CMKLR1: variants seen among roughly 807,000 people sequenced by gnomAD.
CMKLR1 encodes chemerin-like receptor 1.
Under a neutral mutation model 8.2 loss-of-function variants are expected in CMKLR1, and 6 were observed. The observed-to-expected ratio is 0.73, with a 90% CI of 0.40 to 1.44. CMKLR1 has a LOEUF of 1.44. Ranked by LOEUF, CMKLR1 falls within the 40% of genes most tolerant of loss-of-function variation. The probability of loss-of-function intolerance (pLI) is 0.02; values close to 1 mark genes in which losing one functional copy is unlikely to be tolerated. For missense variants in CMKLR1, 429 were observed against 478.0 expected (o/e 0.90, Z 0.96); for synonymous variants, 178 against 181.2 (o/e 0.98, Z 0.14).
At chr12:108,315,988 T>A (rs987300580) in intron 2 of CMKLR1, among the ~76,000 whole-genome samples, 4 of 152,296 alleles carry the variant, frequency 2.6e-5, no homozygotes, top group African/African-American at 9.6e-5. Flanking sequence ...GACCAGCACT[T>A]GGACCCTGCG....
intron 2 of CMKLR1, among the ~76,000 whole-genome samples, chr12:108,308,919 G>A (rs985454817): frequency 1.3e-5 from 2 of 152,300 alleles, no homozygotes; most frequent in East Asian, 3.9e-4. Context: ...CCTTGGAGTC[G>A]AGGGGTAGTC....
At chr12:108,321,553 C>A (rs991803729) in intron 2 of CMKLR1, among the ~76,000 whole-genome samples, 1 of 152,208 alleles carries the variant, frequency 6.6e-6, no homozygotes, top group African/African-American at 2.4e-5. Context: ...CTCACCACCC[C>A]CTAACTCTGA....
At chr12:108,324,588 T>C (rs1891939329) in intron 2 of CMKLR1, among the ~76,000 whole-genome samples, 1 of 152,184 alleles carries the variant, frequency 6.6e-6, no homozygotes, top group Non-Finnish European at 1.5e-5. Context: ...TCCACTTTCA[T>C]CTTTAAATGC....
At chr12:108,296,867 A>C (rs1216839049) in intron 2 of CMKLR1, among the ~76,000 whole-genome samples, 1 of 152,016 alleles carries the variant, frequency 6.6e-6, no homozygotes, top group Non-Finnish European at 1.5e-5. Context: ...TTGCTTCTCT[A>C]AGCTCCAATG....
chr12:108,318,487 T>A (rs1334102088), intron 2 of CMKLR1, among the ~76,000 whole-genome samples: 1 of 152,214 alleles, frequency 6.6e-6, no homozygotes, highest in Non-Finnish European at 1.5e-5. Flanking sequence ...GTTTCCACGT[T>A]TATCAAAGGG....
At chr12:108,307,795 G>C (rs908309109) in intron 2 of CMKLR1, among the ~76,000 whole-genome samples, 2 of 152,212 alleles carry the variant, frequency 1.3e-5, no homozygotes, top group African/African-American at 4.8e-5. Flanking sequence ...CACCTAACAA[G>C]GAGGTGGTCC....
intron 2 of CMKLR1, among the ~76,000 whole-genome samples, chr12:108,294,870 A>G (rs1422672597): frequency 6.6e-6 from 1 of 152,208 alleles, no homozygotes; most frequent in Non-Finnish European, 1.5e-5. Context: ...TAAATTCATT[A>G]CTGATCCTTC....
At chr12:108,301,520 T>A (rs1240094324) in intron 2 of CMKLR1, among the ~76,000 whole-genome samples, 2 of 152,194 alleles carry the variant, frequency 1.3e-5, no homozygotes, top group Non-Finnish European at 2.9e-5. Flanking sequence ...ATGTAACATG[T>A]GTTCATCCTC....
Position 108,293,520 on chromosome 12 carries a change from C to G in CMKLR1, c.3+69G>C, listed in dbSNP as rs1218205980. On this transcript the variant is annotated intron_variant, in intron 3 of 3. Transcript: ENST00000550402. ...ACCAAGTGGACAGCCTTGTTGTGAT[C>G]CCCCTGTGCACCCAATCTGTCAGTG... 26 of 1,519,162 alleles carry G rather than the reference C, an allele frequency of 1.7e-5. 1 individual carries two copies. Among genetic ancestry groups the G allele is most frequent in the Non-Finnish European group, 8.9e-7 (1 of 1,118,270 alleles). The allele number at this position is 1,519,162 out of a possible 1,614,324, so 94.1% of individuals were successfully genotyped here.
rs913869104 is a variant in CMKLR1 at position 108,292,920 on chromosome 12, C to T, written c.43G>A (p.Gly15Ser). 97 of 1,613,106 alleles carry T rather than the reference C, an allele frequency of 6.0e-5. No individual in the cohort carries two copies. In the East Asian group the frequency reaches 1.3e-3, roughly 21 times the overall value. ...DEDYNTSISYGDEYPDYLDSI... is the reference protein window; with the variant it reads ...DEDYNTSISYSDEYPDYLDSI... ...TCTAAATAATCAGGGTATTCATCAC[C>T]GTAACTGATGGAAGTGTTGTAATCT... Residue 15 changes from glycine (G) to serine (S), a missense_variant, in exon 4 of 4, where the codon GGT becomes AGT. By Grantham distance (56) the Gly-to-Ser change is moderately conservative. Transcript: ENST00000550402.
At chr12:108,311,556 G>T (rs1359090205) in intron 2 of CMKLR1, among the ~76,000 whole-genome samples, 1 of 152,212 alleles carries the variant, frequency 6.6e-6, no homozygotes, top group Non-Finnish European at 1.5e-5. Context: ...AGCCCAGGAA[G>T]TCGAGGCTGC....
Position 108,292,320 on chromosome 12 carries a change from TATACCCCACAGGGTCC to T in CMKLR1, c.627_642del (p.Met209IlefsTer7). 6.2e-7 allele frequency: 1 copy of T among 1,614,096 alleles called. No individual in the cohort carries two copies. The highest frequency in any genetic ancestry group is 8.5e-7 in the Non-Finnish European group (1 of 1,180,028). On this transcript the variant is annotated frameshift_variant, in exon 4 of 4. Coordinates refer to ENST00000550402, the MANE Select transcript of CMKLR1 (RefSeq NM_001142343.2). LOFTEE classifies it high-confidence loss of function. Reference sequence around the variant, plus strand: ...GTGACAGTCACCACCATGTGCCGGCTATACCCCACAGGGTCCATTTGGGAGTGAGTGGGCCACGAGG... The same window carrying T: ...GTGACAGTCACCACCATGTGCCGGCTATTTGGGAGTGAGTGGGCCACGAGG...
At chr12:108,306,057 G>A (rs961527133) in intron 2 of CMKLR1, among the ~76,000 whole-genome samples, 8 of 152,142 alleles carry the variant, frequency 5.3e-5, no homozygotes, top group South Asian at 2.1e-4. Flanking sequence ...CTTCCTCTCC[G>A]GGGATCTCTG....
At chr12:108,302,813 A>T (rs970805313) in intron 2 of CMKLR1, among the ~76,000 whole-genome samples, 2 of 151,910 alleles carry the variant, frequency 1.3e-5, no homozygotes, top group African/African-American at 2.4e-5. Context: ...GAATGGCTCC[A>T]TGGGAGAGAG....
intron 2 of CMKLR1, among the ~76,000 whole-genome samples, chr12:108,304,738 C>G (rs894614712): frequency 6.6e-6 from 1 of 152,240 alleles, no homozygotes; most frequent in African/African-American, 2.4e-5. Context: ...AGCCCTCCCC[C>G]TCTGACAGGC....
intron 2 of CMKLR1, among the ~76,000 whole-genome samples, chr12:108,327,015 G>C (rs189439094): frequency 4.6e-4 from 70 of 152,224 alleles, no homozygotes; most frequent in Non-Finnish European, 9.0e-4. Flanking sequence ...GAGAGAGAGA[G>C]AGAAACTGAT....
At chr12:108,336,593 G>A (rs1892231018) in intron 1 of CMKLR1, among the ~76,000 whole-genome samples, 1 of 152,082 alleles carries the variant, frequency 6.6e-6, no homozygotes, top group Admixed American at 6.5e-5. Flanking sequence ...TAATGCAGGT[G>A]GTCTAGAGAT....
chr12:108,300,243 G>T (rs1203000036), intron 2 of CMKLR1, among the ~76,000 whole-genome samples: 2 of 152,174 alleles, frequency 1.3e-5, no homozygotes, highest in African/African-American at 4.8e-5. Context: ...AGGAGCAGGT[G>T]CGCCAGGGAA....
At chr12:108,300,039 T>C (rs757008523) in intron 2 of CMKLR1, among the ~76,000 whole-genome samples, 1 of 152,222 alleles carries the variant, frequency 6.6e-6, no homozygotes, top group Non-Finnish European at 1.5e-5. Context: ...AGGACAAGAA[T>C]TGGGTCTTAT....
Sources: allele counts gnomAD v4.1 joint callset (sites outside exome capture counted in the v4.1 genomes callset), GRCh38; gene constraint gnomAD v4.1.1; transcripts MANE v1.5; gene names NCBI Gene and HGNC (gene_info 2026-07-23, HGNC 2026-07-21).